Variants in TAFA5 observed in about 807,000 individuals in gnomAD.
TAFA5 encodes the protein chemokine-like protein TAFA-5.
A neutral mutation model predicts 15.3 loss-of-function variants in TAFA5; 6 were observed. That is an observed-to-expected ratio of 0.39 (90% CI 0.21 to 0.77). TAFA5 has a LOEUF of 0.77. Among genes scored for constraint, TAFA5 ranks in the 30% least tolerant of loss-of-function variants. The pLI is 0.41. For missense variants in TAFA5, 161 were observed against 193.1 expected (o/e 0.83, Z 0.98); for synonymous variants, 103 against 80.7 (o/e 1.28, Z -1.48).
chr22:48,708,334 A>G (rs1482429118), intron 3 of TAFA5, among the ~76,000 whole-genome samples: 2 of 152,092 alleles, frequency 1.3e-5, no homozygotes, highest in Non-Finnish European at 2.9e-5. Context: ...TGCTCACACC[A>G]GAGACCCGGA....
intron 1 of TAFA5, among the ~76,000 whole-genome samples, chr22:48,631,470 G>T (rs903158956): frequency 6.6e-6 from 1 of 152,342 alleles, no homozygotes; most frequent in East Asian, 1.9e-4. Context: ...TGAGTGGCTC[G>T]CGTGGATATT....
intron 3 of TAFA5, among the ~76,000 whole-genome samples, chr22:48,736,569 G>C (rs557184247): frequency 6.6e-6 from 1 of 152,362 alleles, no homozygotes; most frequent in African/African-American, 2.4e-5. Flanking sequence ...CCAACAGCCA[G>C]AAAGTGGAAA....
intron 2 of TAFA5, among the ~76,000 whole-genome samples, chr22:48,676,120 T>G (rs58234465): frequency 0.031 from 4,695 of 152,324 alleles, 247 homozygotes; most frequent in African/African-American, 0.11. Context: ...GCAGCCTCCC[T>G]GGGCCACAGC....
At chr22:48,546,218 C>A (rs958497452) in intron 1 of TAFA5, among the ~76,000 whole-genome samples, 2 of 152,232 alleles carry the variant, frequency 1.3e-5, no homozygotes, top group African/African-American at 4.8e-5. Flanking sequence ...CAGGCAGAGT[C>A]CACTCCTTGG....
rs565899494 is a variant in TAFA5 at position 48,547,873 on chromosome 22, C to T, written c.112+58169C>T. On this transcript the variant is annotated intron_variant, in intron 1 of 3. Coordinates refer to ENST00000402357, the MANE Select transcript of TAFA5 (RefSeq NM_001082967.3). The stretch of plus-strand genomic sequence containing the variant: ...ACGTGGAGAAGGTTGGAAATGTCAC[C>T]GTTAACTATTGAGCCCAGCATCCCA... 1.6e-4 allele frequency among the ~76,000 whole-genome samples: 25 copies of T among 152,300 alleles called. No individual in the cohort carries two copies. In the East Asian group the frequency reaches 2.7e-3, roughly 16 times the overall value.
chr22:48,504,782 G>A (rs913932903), intron 1 of TAFA5, among the ~76,000 whole-genome samples: 2 of 152,206 alleles, frequency 1.3e-5, no homozygotes, highest in African/African-American at 2.4e-5. Flanking sequence ...GTCCTGGGAT[G>A]GCTCGCCGAA....
chr22:48,590,922 G>T (rs1398782985), intron 1 of TAFA5, among the ~76,000 whole-genome samples: 1 of 151,672 alleles, frequency 6.6e-6, no homozygotes, highest in Non-Finnish European at 1.5e-5. Flanking sequence ...CATGATCTTG[G>T]CTCACTGCAA....
Position 48,665,612 on chromosome 22 carries a change from AC to A in TAFA5, c.262+18867del, listed in dbSNP as rs375315992. Among the ~76,000 whole-genome samples the A allele has an allele frequency of 2.4e-4, 37 of 152,254 alleles. 1 individual carries two copies. The South Asian group carries it at 7.5e-3, about 31-fold the overall frequency. On this transcript the variant is annotated intron_variant, in intron 2 of 3. Coordinates refer to ENST00000402357, the MANE Select transcript of TAFA5 (RefSeq NM_001082967.3). The stretch of plus-strand genomic sequence containing the variant: ...TTTTTTCTCTGCACATGGAGACCCG[AC>A]AGATCCAACATCATTTATTGAAAAG...
At chr22:48,555,398 C>A (rs1163991713) in intron 1 of TAFA5, among the ~76,000 whole-genome samples, 1 of 152,170 alleles carries the variant, frequency 6.6e-6, no homozygotes, top group South Asian at 2.1e-4. Flanking sequence ...CCGTGTCCTG[C>A]GAGGGATTTC....
chr22:48,508,589 G>A (rs1006003208), intron 1 of TAFA5, among the ~76,000 whole-genome samples: 3 of 152,200 alleles, frequency 2.0e-5, no homozygotes, highest in Non-Finnish European at 2.9e-5. Flanking sequence ...GGTGCCTGTT[G>A]CATCCTCATG....
At chr22:48,551,357 T>A (rs1601573428) in intron 1 of TAFA5, among the ~76,000 whole-genome samples, 1 of 152,086 alleles carries the variant, frequency 6.6e-6, no homozygotes, top group Non-Finnish European at 1.5e-5. Flanking sequence ...TCTTGGCAGG[T>A]GCCAGCCCCG....
chr22:48,599,310 G>T (rs930899591), intron 1 of TAFA5, among the ~76,000 whole-genome samples: 8 of 152,156 alleles, frequency 5.3e-5, no homozygotes, highest in Non-Finnish European at 1.0e-4. Context: ...CCTTCAGTCC[G>T]CTCCGTAACA....
chr22:48,501,442 C>T (rs986859422), intron 1 of TAFA5, among the ~76,000 whole-genome samples: 10 of 152,210 alleles, frequency 6.6e-5, no homozygotes, highest in African/African-American at 2.2e-4. Flanking sequence ...CAGAGGCTGG[C>T]GGCGTGAACT....
intron 1 of TAFA5, among the ~76,000 whole-genome samples, chr22:48,495,902 A>G (rs73891026): frequency 0.029 from 4,400 of 152,294 alleles, 219 homozygotes; most frequent in African/African-American, 0.1. Context: ...CCAGCCCTGG[A>G]GTCCAATCCT....
chr22:48,746,639 A>G (rs1314115433), intron 3 of TAFA5, among the ~76,000 whole-genome samples: 1 of 152,212 alleles, frequency 6.6e-6, no homozygotes, highest in African/African-American at 2.4e-5. Context: ...GTGGATGTTC[A>G]GATAGTAATT....
chr22:48,586,867 C>G (rs1298289046), intron 1 of TAFA5, among the ~76,000 whole-genome samples: 3 of 152,252 alleles, frequency 2.0e-5, no homozygotes, highest in African/African-American at 7.2e-5. Context: ...GGGAGGCCTG[C>G]CCCATGTCCC....
intron 3 of TAFA5, among the ~76,000 whole-genome samples, chr22:48,731,910 A>G (rs1480275020): frequency 6.6e-6 from 1 of 152,250 alleles, no homozygotes; most frequent in East Asian, 1.9e-4. Flanking sequence ...GCTGTCATAG[A>G]TCATGATTCC....
chr22:48,590,640 T>G (rs1332663814), intron 1 of TAFA5, among the ~76,000 whole-genome samples: 1 of 152,078 alleles, frequency 6.6e-6, no homozygotes, highest in Non-Finnish European at 1.5e-5. Context: ...ACTGTGACTC[T>G]GAGAGCCCAC....
intron 2 of TAFA5, among the ~76,000 whole-genome samples, chr22:48,663,035 A>T (rs5771697): frequency 0.46 from 70,105 of 152,048 alleles, 16,489 homozygotes; most frequent in South Asian, 0.62. Flanking sequence ...GAGCTGCAGG[A>T]GGGACGTGGG....
Sources: allele counts gnomAD v4.1 joint callset (sites outside exome capture counted in the v4.1 genomes callset), GRCh38; gene constraint gnomAD v4.1.1; transcripts MANE v1.5; gene names NCBI Gene and HGNC (gene_info 2026-07-23, HGNC 2026-07-21).